ROR1: variants seen among roughly 807,000 people sequenced by gnomAD.
ROR1 encodes the protein ROR family WNT receptor 1.
Under a neutral mutation model 78.8 loss-of-function variants are expected in ROR1, and 19 were observed. The ratio of observed to expected loss-of-function variants is 0.24; its 90% CI spans 0.17 to 0.35. The LOEUF (loss-of-function observed/expected upper bound fraction) is 0.35. Ranked by LOEUF, ROR1 falls within the 10% of genes least tolerant of loss-of-function variation. The probability of loss-of-function intolerance (pLI) is 1.00; values close to 1 mark genes in which losing one functional copy is unlikely to be tolerated. For missense variants in ROR1, 917 were observed against 1,177.8 expected, an observed-to-expected ratio of 0.78 and a Z score of 3.24; for synonymous variants, 386 against 433.6, an observed-to-expected ratio of 0.89 and a Z score of 1.36.
chr1:63,890,090 C>T (rs909521139), intron 1 of ROR1, among the ~76,000 whole-genome samples: 1 of 146,636 alleles, frequency 6.8e-6, no homozygotes, highest in Non-Finnish European at 1.5e-5. Context: ...TCGTGACCTA[C>T]TTAAGGGAAT....
chr1:64,079,719 T>A (rs1052688830), intron 4 of ROR1, among the ~76,000 whole-genome samples: 2 of 152,126 alleles, frequency 1.3e-5, no homozygotes, highest in Non-Finnish European at 2.9e-5. Flanking sequence ...TGACCTCAAG[T>A]GATCTGCCCT....
At chr1:63,861,483 C>T (rs1302968295) in intron 1 of ROR1, among the ~76,000 whole-genome samples, 2 of 152,042 alleles carry the variant, frequency 1.3e-5, no homozygotes, top group Admixed American at 1.3e-4. Context: ...GCCAGAACAC[C>T]AGGTTTGGAT....
chr1:63,951,078 G>C (rs1374962603), intron 1 of ROR1, among the ~76,000 whole-genome samples: 2 of 152,194 alleles, frequency 1.3e-5, no homozygotes, highest in South Asian at 4.1e-4. Flanking sequence ...TTTGGGGATT[G>C]GCTGAAGTAG....
Position 64,049,884 on chromosome 1 carries a change from A to AC in ROR1, c.357_358insC (p.Asn120GlnfsTer44). The AC allele has an allele frequency of 6.2e-7, 1 of 1,614,178 alleles. No homozygotes were observed. Among genetic ancestry groups the AC allele is most frequent in the Non-Finnish European group, 8.5e-7 (1 of 1,180,030 alleles). ...TCTATGGCTCTCGGCTGCGGATTAGAAACCTCGACACCACAGACACAGGCT... is the reference window on the plus strand; with the variant it reads ...TCTATGGCTCTCGGCTGCGGATTAGACAACCTCGACACCACAGACACAGGCT... On this transcript the variant is annotated frameshift_variant, in exon 3 of 9. Coordinates refer to ENST00000371079, the MANE Select transcript of ROR1 (RefSeq NM_005012.4). LOFTEE classifies it high-confidence loss of function.
intron 1 of ROR1, among the ~76,000 whole-genome samples, chr1:63,878,811 T>C (rs756533937): frequency 6.6e-6 from 1 of 152,174 alleles, no homozygotes; most frequent in Non-Finnish European, 1.5e-5. Flanking sequence ...TGCATAGTTA[T>C]GTACTTATTT....
chr1:63,799,236 A>G (rs1005810327), intron 1 of ROR1, among the ~76,000 whole-genome samples: 3 of 136,794 alleles, frequency 2.2e-5, no homozygotes, highest in Admixed American at 6.8e-5. Context: ...AAGTTGACAT[A>G]CAAACAGCTT....
intron 1 of ROR1, among the ~76,000 whole-genome samples, chr1:63,947,846 A>C (rs1467301114): frequency 1.3e-5 from 2 of 152,196 alleles, no homozygotes; most frequent in Non-Finnish European, 1.5e-5. Flanking sequence ...TTAGGATTTC[A>C]TATTAGGAGA....
chr1:63,924,644 G>A (rs568799556), intron 1 of ROR1, among the ~76,000 whole-genome samples: 124 of 152,316 alleles, frequency 8.1e-4, no homozygotes, highest in Admixed American at 2.1e-3. Context: ...TGGGCTCATA[G>A]CAACTAACCA....
chr1:63,927,641 C>A (rs890760696), intron 1 of ROR1, among the ~76,000 whole-genome samples: 5 of 151,810 alleles, frequency 3.3e-5, no homozygotes, highest in African/African-American at 4.8e-5. Context: ...AGACGAGGAA[C>A]CTGTGGCTCA....
intron 1 of ROR1, among the ~76,000 whole-genome samples, chr1:63,785,104 A>C (rs1438824676): frequency 6.6e-6 from 1 of 152,222 alleles, no homozygotes; most frequent in Admixed American, 6.5e-5. Context: ...TCTGTTCTTC[A>C]TGGGAAACTG....
intron 1 of ROR1, among the ~76,000 whole-genome samples, chr1:63,914,473 C>T (rs1438605996): frequency 6.6e-6 from 1 of 152,148 alleles, no homozygotes; most frequent in Admixed American, 6.5e-5. Flanking sequence ...CCCAGTATTT[C>T]AGCTCATGCC....
intron 1 of ROR1, among the ~76,000 whole-genome samples, chr1:63,855,168 C>A (rs1234150770): frequency 6.6e-6 from 1 of 152,098 alleles, no homozygotes; most frequent in African/African-American, 2.4e-5. Context: ...TTTGACTGTT[C>A]TTAACCTGAC....
At chr1:63,982,581 G>A (rs1646218693) in intron 1 of ROR1, among the ~76,000 whole-genome samples, 2 of 152,110 alleles carry the variant, frequency 1.3e-5, no homozygotes, top group South Asian at 4.1e-4. Context: ...CAGCAAACTT[G>A]GAGCAAGCTC....
intron 1 of ROR1, among the ~76,000 whole-genome samples, chr1:63,892,398 A>G (rs1382711136): frequency 6.6e-6 from 1 of 152,176 alleles, no homozygotes; most frequent in Non-Finnish European, 1.5e-5. Context: ...CACATTAAGG[A>G]GACTTGAGTG....
rs377174450 is a variant in ROR1, at chr1:63,853,770, A to G, written c.91+79262A>G. On this transcript the variant is annotated intron_variant, in intron 1 of 8. Coordinates refer to ENST00000371079, the MANE Select transcript of ROR1 (RefSeq NM_005012.4). Reference sequence around the variant, plus strand: ...TTCCAAATATGAGGTTTCCTTAGTGAAACACTATTTTTAGGAAAAACTATT... The same window carrying G: ...TTCCAAATATGAGGTTTCCTTAGTGGAACACTATTTTTAGGAAAAACTATT... Among the ~76,000 whole-genome samples, 277 of 152,348 alleles carry G rather than the reference A, an allele frequency of 1.8e-3. 1 individual carries two copies. The highest frequency in any genetic ancestry group is 3.5e-3 in the Admixed American group (54 of 15,308).
At chr1:64,076,194 G>A (rs12130205) in intron 4 of ROR1, among the ~76,000 whole-genome samples, 49,602 of 151,952 alleles carry the variant, frequency 0.33, 9,785 homozygotes, top group East Asian at 0.58. Flanking sequence ...GCAAATCAAA[G>A]CCCCAACCTC....
rs12130670 is a variant in ROR1, at chr1:63,948,068, G to A, written c.92-61237G>A. Among the ~76,000 whole-genome samples, 277 of 152,178 alleles carry A rather than the reference G, an allele frequency of 1.8e-3. 1 individual carries two copies. The highest frequency in any genetic ancestry group is 2.4e-3 in the Non-Finnish European group (161 of 68,012). On this transcript the variant is annotated intron_variant, in intron 1 of 8. Coordinates refer to ENST00000371079, the MANE Select transcript of ROR1 (RefSeq NM_005012.4). ...ACAGAGAAAACTGCCGCACAGAATCGTTAGATCACTTGGCCAAGGTCACAC... is the reference window on the plus strand; with the variant it reads ...ACAGAGAAAACTGCCGCACAGAATCATTAGATCACTTGGCCAAGGTCACAC...
intron 4 of ROR1, among the ~76,000 whole-genome samples, chr1:64,052,384 G>A (rs979582145): frequency 6.6e-6 from 1 of 152,094 alleles, no homozygotes; most frequent in African/African-American, 2.4e-5. Context: ...TCACTAATCT[G>A]CCTTTACTAT....
At chr1:64,000,156 G>A (rs1646370996) in intron 1 of ROR1, among the ~76,000 whole-genome samples, 1 of 152,094 alleles carries the variant, frequency 6.6e-6, no homozygotes, top group African/African-American at 2.4e-5. Context: ...AAAATTGCCT[G>A]GAGGCACTTT....
Sources: allele counts gnomAD v4.1 joint callset (sites outside exome capture counted in the v4.1 genomes callset), GRCh38; gene constraint gnomAD v4.1.1; transcripts MANE v1.5; gene names NCBI Gene and HGNC (gene_info 2026-07-23, HGNC 2026-07-21).